FTCDNL1: variants seen among roughly 807,000 people sequenced by gnomAD.
The protein encoded by FTCDNL1 is formiminotransferase cyclodeaminase N-terminal like.
Under a neutral mutation model 5.9 loss-of-function variants are expected in FTCDNL1, and 11 were observed. The ratio of observed to expected loss-of-function variants is 1.87; its 90% CI spans 1.18 to 3.10. FTCDNL1 has a LOEUF of 3.10. Among genes scored for constraint, FTCDNL1 ranks in the 30% most tolerant of loss-of-function variants. The pLI is 0.00. For missense variants in FTCDNL1, 115 were observed against 65.5 expected (o/e 1.76, Z -2.61); for synonymous variants, 58 against 24.8 (o/e 2.34, Z -3.99).
At chr2:199,781,773 TTTTG>T (rs139790276) in intron 3 of FTCDNL1, among the ~76,000 whole-genome samples, 78,317 of 150,210 alleles carry the variant, frequency 0.52, 21,648 homozygotes, top group East Asian at 0.64. Context: ...TTTTCTTGTT[TTTTG>T]TTTGTTTGTT....
chr2:199,670,906 G>A, the FTCDNL1 span, among the ~76,000 whole-genome samples: 3 of 152,252 alleles, frequency 2.0e-5, no homozygotes, highest in East Asian at 5.8e-4. Context: ...AGGCTCACAT[G>A]ACAGTAGCCT....
rs1285664771 is a variant in FTCDNL1 at position 199,811,234 on chromosome 2, T to C, written c.*1471A>G. Among the ~76,000 whole-genome samples, 1 of 152,226 alleles carries C rather than the reference T, an allele frequency of 6.6e-6. No homozygotes were observed. The highest frequency in any genetic ancestry group is 1.5e-5 in the Non-Finnish European group (1 of 68,040). ...TAAATATCTTTAAGAATTATATCAGTTTTAACATTGCACAGAGTATAATTG... is the reference window on the plus strand; with the variant it reads ...TAAATATCTTTAAGAATTATATCAGCTTTAACATTGCACAGAGTATAATTG... On this transcript the variant is annotated 3_prime_UTR_variant, in exon 5 of 5. Transcript: ENST00000420128.
chr2:199,765,556 A>ATATATATATATATATATATATAT, intron 3 of FTCDNL1, among the ~76,000 whole-genome samples: 1 of 42,666 alleles, frequency 2.3e-5, no homozygotes, highest in African/African-American at 6.4e-5. Flanking sequence ...ATATATATAT[A>ATATATATATATATATATATATAT]TTTTTTTTTT....
chr2:199,736,451 A>T, the FTCDNL1 span, among the ~76,000 whole-genome samples: 1 of 152,180 alleles, frequency 6.6e-6, no homozygotes, highest in Non-Finnish European at 1.5e-5. Context: ...CACAATGTGG[A>T]TGCTAACCTT....
chr2:199,737,117 A>G, the FTCDNL1 span, among the ~76,000 whole-genome samples: 1 of 152,230 alleles, frequency 6.6e-6, no homozygotes, highest in Non-Finnish European at 1.5e-5. Flanking sequence ...TGTTGTTAAG[A>G]GCAAGAACTC....
chr2:199,685,763 C>A, the FTCDNL1 span, among the ~76,000 whole-genome samples: 1 of 152,166 alleles, frequency 6.6e-6, no homozygotes, highest in Non-Finnish European at 1.5e-5. Context: ...AAGAATATAA[C>A]CCCACAAATG....
At chr2:199,708,990 C>T in the FTCDNL1 span, among the ~76,000 whole-genome samples, 1 of 152,092 alleles carries the variant, frequency 6.6e-6, no homozygotes, top group Non-Finnish European at 1.5e-5. Flanking sequence ...AGCCATCACA[C>T]TCTACTTGGG....
At chr2:199,790,192 A>G (rs1448377270) in intron 3 of FTCDNL1, among the ~76,000 whole-genome samples, 2 of 151,938 alleles carry the variant, frequency 1.3e-5, no homozygotes, top group African/African-American at 2.4e-5. Flanking sequence ...AAAGAGACAC[A>G]GTGGCTATAA....
the FTCDNL1 span, among the ~76,000 whole-genome samples, chr2:199,673,623 A>G: frequency 6.6e-6 from 1 of 152,194 alleles, no homozygotes; most frequent in Non-Finnish European, 1.5e-5. Flanking sequence ...GGAAATTCAC[A>G]GTTGAATTTA....
chr2:199,846,517 T>C (rs1044952230), intron 2 of FTCDNL1, among the ~76,000 whole-genome samples: 2 of 152,200 alleles, frequency 1.3e-5, no homozygotes, highest in South Asian at 4.1e-4. Context: ...CTGTTCCTTA[T>C]CAATCTCATC....
intron 1 of FTCDNL1, among the ~76,000 whole-genome samples, chr2:199,850,463 C>T (rs2076846922): frequency 6.6e-6 from 1 of 152,182 alleles, no homozygotes; most frequent in Admixed American, 6.5e-5. Flanking sequence ...TTTTGATTCC[C>T]TGTGGACAGC....
At chr2:199,833,797 C>A (rs1702531974) in intron 3 of FTCDNL1, among the ~76,000 whole-genome samples, 1 of 152,228 alleles carries the variant, frequency 6.6e-6, no homozygotes, top group African/African-American at 2.4e-5. Flanking sequence ...TACCTCTCAC[C>A]ATTTGCCTGC....
At chr2:199,721,404 G>C in the FTCDNL1 span, among the ~76,000 whole-genome samples, 1 of 152,072 alleles carries the variant, frequency 6.6e-6, no homozygotes, top group African/African-American at 2.4e-5. Context: ...GTTTGTTGAG[G>C]ATAATGGCTT....
intron 3 of FTCDNL1, among the ~76,000 whole-genome samples, chr2:199,795,448 C>T (rs1358529332): frequency 6.6e-6 from 1 of 152,128 alleles, no homozygotes; most frequent in Non-Finnish European, 1.5e-5. Flanking sequence ...CAAAAACGTC[C>T]TCCTTATTCT....
intron 3 of FTCDNL1, among the ~76,000 whole-genome samples, chr2:199,790,220 G>A (rs1012593936): frequency 6.6e-6 from 1 of 152,032 alleles, no homozygotes; most frequent in Non-Finnish European, 1.5e-5. Context: ...AAATGCGGCT[G>A]GGCGCGGTGA....
the FTCDNL1 span, among the ~76,000 whole-genome samples, chr2:199,752,036 G>A: frequency 6.6e-6 from 1 of 152,134 alleles, no homozygotes; most frequent in Admixed American, 6.5e-5. Context: ...CAGACTGACT[G>A]TCCACAGACA....
the FTCDNL1 span, among the ~76,000 whole-genome samples, chr2:199,739,966 T>C: frequency 6.6e-6 from 1 of 152,136 alleles, no homozygotes; most frequent in African/African-American, 2.4e-5. Context: ...GAGCCGGGCC[T>C]GCCAGGCTCA....
chr2:199,745,538 G>T, the FTCDNL1 span, among the ~76,000 whole-genome samples: 2 of 152,320 alleles, frequency 1.3e-5, no homozygotes, highest in African/African-American at 4.8e-5. Context: ...TTTTCCCATA[G>T]CACTCGTACA....
the FTCDNL1 span, among the ~76,000 whole-genome samples, chr2:199,676,669 T>A: frequency 6.6e-6 from 1 of 152,122 alleles, no homozygotes. Context: ...CACCAGTTGA[T>A]GTTCTTAAGC....
Sources: gnomAD v4.1 joint callset for allele counts (sites outside exome capture counted in the v4.1 genomes callset) on GRCh38, gnomAD v4.1.1 for gene constraint, MANE v1.5 for transcripts, NCBI Gene and HGNC (gene_info 2026-07-23, HGNC 2026-07-21) for gene names.